The following DHX30 variants were observed in gnomAD, a reference collection of about 807,000 sequenced individuals.
The protein encoded by DHX30 is DExH-box helicase 30.
DHX30 carries 4 observed loss-of-function variants against 116.9 expected under a neutral mutation model. The observed-to-expected ratio is 0.03, with a 90% CI of 0.02 to 0.08. DHX30 has a LOEUF of 0.08. DHX30 is among the 10% of genes least tolerant of loss of function. The probability of loss-of-function intolerance (pLI) is 1.00; values close to 1 mark genes in which losing one functional copy is unlikely to be tolerated. For synonymous variants in DHX30, 697 were observed against 651.7 expected, an observed-to-expected ratio of 1.07 and a Z score of -1.06; for missense variants, 871 against 1,595.1, an observed-to-expected ratio of 0.55 and a Z score of 7.73.
At position 47,843,200 on chromosome 3, in the gene DHX30, G is replaced by C; in HGVS notation, c.884G>C (p.Arg295Pro). ...PCPMTFVAKG[R>P]RKAEAENKAA... is the part of the protein sequence containing the mutation. ...CCCATGACCTTTGTTGCCAAAGGGC[G>C]CCGCAAAGCAGAGGCTGAGAATAAG... The change falls in exon 9 of 22, where the codon CGC becomes CCC. Residue 295 changes from arginine (R) to proline (P), a missense_variant. Physicochemically the swap from Arg to Pro is moderately radical, Grantham distance 103. Around this residue, in one of 13 missense-constraint regions of DHX30, gnomAD observed 175 missense variants for 292.9 expected, o/e 0.60. Coordinates refer to ENST00000445061, the MANE Select transcript of DHX30 (RefSeq NM_138615.3). 1 of 1,614,262 alleles carries C rather than the reference G, an allele frequency of 6.2e-7. No individual in the cohort carries two copies. The highest frequency in any genetic ancestry group is 1.1e-5 in the South Asian group (1 of 91,092).
chr3:47,824,294 C>T (rs1298741759), intron 4 of DHX30, among the ~76,000 whole-genome samples: 1 of 152,092 alleles, frequency 6.6e-6, no homozygotes, highest in Non-Finnish European at 1.5e-5. Context: ...TGAGCCACTG[C>T]GCCTGGCGAG....
Position 47,848,374 on chromosome 3 carries a change from G to C in DHX30, c.2481G>C (p.Met827Ile), listed in dbSNP as rs752764311. Residue 827 changes from methionine (M) to isoleucine (I), a missense_variant, in exon 15 of 22, where the codon ATG becomes ATC. Met to Ile is a conservative substitution (Grantham distance 10). Around this residue, in one of 13 missense-constraint regions of DHX30, gnomAD observed 238 missense variants for 481.0 expected, o/e 0.49. Coordinates refer to ENST00000445061, the MANE Select transcript of DHX30 (RefSeq NM_138615.3). The surrounding 1 kb of genome is among the most constrained non-coding windows in gnomAD (Gnocchi z 9.4). ...ENLVLQAKIHMPEKTAVEFLS... is the reference protein window; with the variant it reads ...ENLVLQAKIHIPEKTAVEFLS... ...TGGTGCTGCAAGCGAAAATCCACATGCCTGAGAAGACGGTGCGGCGGGGCG... is the reference window on the plus strand; with the variant it reads ...TGGTGCTGCAAGCGAAAATCCACATCCCTGAGAAGACGGTGCGGCGGGGCG... 1 of 1,614,170 alleles carries C rather than the reference G, an allele frequency of 6.2e-7. No individual in the cohort carries two copies. Among genetic ancestry groups the C allele is most frequent in the Non-Finnish European group, 8.5e-7 (1 of 1,180,040 alleles).
At chr3:47,824,541 C>G (rs376501390) in intron 4 of DHX30, among the ~76,000 whole-genome samples, 1 of 152,162 alleles carries the variant, frequency 6.6e-6, no homozygotes. Context: ...ATCCATCCGC[C>G]TCAACCTCCC....
intron 4 of DHX30, chr3:47,822,208 C>G (rs1249635091): frequency 6.6e-6 from 1 of 152,132 alleles, no homozygotes; most frequent in African/African-American, 2.4e-5. Context: ...AAAGAGTTGC[C>G]CTTATCTTAC....
intron 6 of DHX30, among the ~76,000 whole-genome samples, 181 bp downstream of exon 6, chr3:47,829,315 T>TATATATATATATATA (rs869292091): frequency 1.8e-4 from 6 of 32,848 alleles, no homozygotes; most frequent in East Asian, 1.2e-3. Context: ...TATATATATA[T>TATATATATATATATA]TTTTTTTTTT....
chr3:47,829,722 C>T (rs921213082), intron 6 of DHX30, among the ~76,000 whole-genome samples: 2 of 152,082 alleles, frequency 1.3e-5, no homozygotes, highest in Non-Finnish European at 2.9e-5. Context: ...GAAAAACTTC[C>T]GACACACAGC....
At chr3:47,842,145 T>G (rs77959669) in intron 8 of DHX30, 1 of 175,278 alleles carries the variant, frequency 5.7e-6, no homozygotes, top group African/African-American at 2.4e-5. Context: ...TCACCTAGCC[T>G]TGCTTCTCAT....
intron 2 of DHX30, among the ~76,000 whole-genome samples, chr3:47,806,418 A>G (rs909245532): frequency 2.6e-5 from 4 of 150,982 alleles, no homozygotes; most frequent in African/African-American, 9.8e-5. Context: ...CTGGGATTAC[A>G]GGTGTGAGCC....
intron 3 of DHX30, among the ~76,000 whole-genome samples, chr3:47,814,439 A>AG (rs2035952022): frequency 6.6e-6 from 1 of 150,652 alleles, no homozygotes; most frequent in South Asian, 2.1e-4. Flanking sequence ...CAAAAAAAAA[A>AG]AAAAAAAAAG....
chr3:47,819,308 A>C, intron 4 of DHX30: 1 of 1,366,200 alleles, frequency 7.3e-7, no homozygotes, highest in Non-Finnish European at 9.8e-7. Flanking sequence ...GCTAAGCTTG[A>C]AGACGGTTAG....
intron 4 of DHX30, among the ~76,000 whole-genome samples, chr3:47,821,022 C>T (rs187145477): frequency 1.3e-4 from 19 of 151,424 alleles, no homozygotes; most frequent in Admixed American, 1.3e-3. Context: ...GGCATGATGT[C>T]GGCTCACTGC....
At chr3:47,842,881 G>A (rs559573802) in intron 8 of DHX30, among the ~76,000 whole-genome samples, 42 of 152,342 alleles carry the variant, frequency 2.8e-4, no homozygotes, top group Admixed American at 9.1e-4. Flanking sequence ...ACTGTCTTCT[G>A]CAGTGGAAGT....
chr3:47,846,608 C>T lies in DHX30; in HGVS notation c.1536C>T (p.Arg512=). The change falls in exon 11 of 22, where the codon CGC becomes CGT. Residue 512 remains arginine (R), a synonymous_variant. Transcript: ENST00000445061. ...GCCACGAACTGGGCCCCTCCCTGCG[C>T]CGGAATGTGGGCTTCCAGGTGCGGT... is the stretch of plus-strand genomic sequence containing the variant. ...RVSHELGPSL[R]RNVGFQVRLE... 3 of 1,614,142 alleles carry T rather than the reference C, an allele frequency of 1.9e-6. No individual in the cohort carries two copies.
chr3:47,807,778 T>TA (rs1404440961), intron 2 of DHX30, among the ~76,000 whole-genome samples: 1 of 151,856 alleles, frequency 6.6e-6, no homozygotes, highest in Non-Finnish European at 1.5e-5. Context: ...ATTTTTTTTT[T>TA]AGAGGCAGGG....
intron 4 of DHX30, chr3:47,825,064 G>T (rs1312833569): frequency 2.3e-5 from 15 of 666,254 alleles, no homozygotes; most frequent in African/African-American, 7.5e-5. Context: ...GAGACTCATG[G>T]CGCTGGCCGC....
chr3:47,804,987 A>G (rs533439533), intron 1 of DHX30, among the ~76,000 whole-genome samples: 2 of 152,314 alleles, frequency 1.3e-5, no homozygotes, highest in East Asian at 3.9e-4. Flanking sequence ...TTAGATTATC[A>G]TAATTATTAT....
At chr3:47,843,532 T>G (rs976405324) in intron 9 of DHX30, among the ~76,000 whole-genome samples, 10 of 152,326 alleles carry the variant, frequency 6.6e-5, no homozygotes, top group African/African-American at 2.4e-4. Flanking sequence ...CTCATTGTTC[T>G]GAATAGTATA....
In DHX30 at chr3:47,849,714, T is replaced by C. The variant is rs1372110198; in HGVS notation, c.3276T>C (p.Ser1092=). The part of the protein sequence containing the change: ...SNGSVFVRDS[S]QVHPLAVLLL... ...GCAGCGTCTTCGTCCGGGACTCCTC[T>C]CAGGTGCACCCGCTAGCTGTGCTGC... The change falls in exon 21 of 22, where the codon TCT becomes TCC. Residue 1092 remains serine (S), a synonymous_variant. Transcript: ENST00000445061. 1.2e-6 allele frequency: 2 copies of C among 1,613,962 alleles called. No individual in the cohort carries two copies. The highest frequency in any genetic ancestry group is 1.7e-6 in the Non-Finnish European group (2 of 1,180,016).
At chr3:47,823,110 GAAAA>G (rs1480745302) in intron 4 of DHX30, among the ~76,000 whole-genome samples, 3 of 145,486 alleles carry the variant, frequency 2.1e-5, no homozygotes, top group South Asian at 2.2e-4. Context: ...AAAAAAAAAA[GAAAA>G]GAAAGAAAAG....
Sources: allele counts gnomAD v4.1 joint callset (sites outside exome capture counted in the v4.1 genomes callset), GRCh38; gene constraint gnomAD v4.1.1; regional missense constraint gnomAD v4.1.1; non-coding constraint Gnocchi (gnomAD v3.1); transcripts MANE v1.5; gene names NCBI Gene and HGNC (gene_info 2026-07-23, HGNC 2026-07-21).